Variants in SETBP1 observed in about 807,000 individuals in gnomAD.
The protein encoded by SETBP1 is SET-binding protein.
In SETBP1, 9 loss-of-function variants were observed where a neutral mutation model predicts 101.0. The ratio of observed to expected loss-of-function variants is 0.09; its 90% CI spans 0.05 to 0.16. The LOEUF is 0.16. Among genes scored for constraint, SETBP1 ranks in the 10% least tolerant of loss-of-function variants. The pLI is 1.00. For missense variants in SETBP1, 1,858 were observed against 2,033.8 expected (o/e 0.91, Z 1.66); for synonymous variants, 818 against 788.5 (o/e 1.04, Z -0.63).
At chr18:44,852,986 CCCCAAAGCCAAG>C (rs2072904340) in intron 2 of SETBP1, among the ~76,000 whole-genome samples, 1 of 152,214 alleles carries the variant, frequency 6.6e-6, no homozygotes, top group Admixed American at 6.5e-5. Context: ...TGGAATTCAA[CCCCAAAGCCAAG>C]AGTCCTCTGG....
In SETBP1 at chr18:44,773,838, A is replaced by ATGTGTGTGTGTGTGTGTGTG. The variant is rs61649185; in HGVS notation, c.486+72020_486+72039dup. 9.8e-3 allele frequency among the ~76,000 whole-genome samples: 1,319 copies of ATGTGTGTGTGTGTGTGTGTG among 134,252 alleles called. 22 individuals are homozygous for ATGTGTGTGTGTGTGTGTGTG. The highest frequency in any genetic ancestry group is 0.033 in the South Asian group (132 of 3,988). The allele number at this position is 134,252 out of a possible 152,430, so 88.1% of individuals were successfully genotyped here. On this transcript the variant is annotated intron_variant, in intron 2 of 5. Transcript: ENST00000649279. Reference sequence around the variant, plus strand: ...TCTCTCTCTCTGTCTCTCTCTGTTTATGTGTGTGTGTGTGTGTGTGTGTGT... The same window carrying ATGTGTGTGTGTGTGTGTGTG: ...TCTCTCTCTCTGTCTCTCTCTGTTTATGTGTGTGTGTGTGTGTGTGTGTGTGTGTGTGTGTGTGTGTGTGT...
At chr18:44,773,645 G>A (rs2070923745) in intron 2 of SETBP1, among the ~76,000 whole-genome samples, 1 of 152,126 alleles carries the variant, frequency 6.6e-6, no homozygotes, top group Non-Finnish European at 1.5e-5. Context: ...CCCAACTGAT[G>A]GAAAATAACA....
chr18:44,997,439 T>C (rs563207398), intron 4 of SETBP1, among the ~76,000 whole-genome samples: 17 of 152,342 alleles, frequency 1.1e-4, no homozygotes, highest in Middle Eastern at 6.8e-3. Context: ...TGAGTATTCC[T>C]GTGTAACTTT....
rs1186142546 is a variant in SETBP1, at chr18:44,973,526, C to CTG, written c.4000+20189_4000+20190dup. Among the ~76,000 whole-genome samples the CTG allele has an allele frequency of 2.0e-5, 3 of 152,110 alleles. No individual in the cohort carries two copies. The East Asian group carries it at 5.8e-4, about 29-fold the overall frequency. ...ATGCTCTTAGAAACAGAGAAGGGCACTGTGATGTCTTTGATGCTGAGACAG... is the reference window on the plus strand; with the variant it reads ...ATGCTCTTAGAAACAGAGAAGGGCACTGTGTGATGTCTTTGATGCTGAGACAG... On this transcript the variant is annotated intron_variant, in intron 4 of 5. Transcript: ENST00000649279.
chr18:44,949,938 G>A lies in SETBP1; in HGVS notation c.598G>A (p.Asp200Asn), dbSNP rs1203744904. Residue 200 changes from aspartate (D) to asparagine (N), a missense_variant, in exon 4 of 6, where the codon GAC becomes AAC. This residue lies in a region of SETBP1 where 581 missense variants were observed against 535.1 expected (regional missense o/e 1.09). Coordinates refer to ENST00000649279, the MANE Select transcript of SETBP1 (RefSeq NM_015559.3). ...TLHYDTGLPQ[D>N]FTGDTLKPKH... Reference sequence around the variant, plus strand: ...CCATTATGACACGGGCCTCCCACAGGACTTCACCGGTGACACCTTAAAACC... The same window carrying A: ...CCATTATGACACGGGCCTCCCACAGAACTTCACCGGTGACACCTTAAAACC... The A allele has an allele frequency of 1.2e-6, 2 of 1,614,022 alleles. No individual in the cohort carries two copies. Among genetic ancestry groups the A allele is most frequent in the East Asian group, 4.5e-5 (2 of 44,866 alleles).
chr18:44,766,375 A>G (rs1191477357), intron 2 of SETBP1, among the ~76,000 whole-genome samples: 3 of 152,228 alleles, frequency 2.0e-5, no homozygotes, highest in African/African-American at 7.2e-5. Context: ...CTTAAAAAGG[A>G]AGGAAATTTG....
intron 4 of SETBP1, among the ~76,000 whole-genome samples, chr18:44,979,205 T>C (rs1167460022): frequency 6.6e-6 from 1 of 152,226 alleles, no homozygotes; most frequent in Non-Finnish European, 1.5e-5. Flanking sequence ...CCACCGAATC[T>C]GCATTTGCTT....
chr18:44,816,370 C>T (rs1381144747), intron 2 of SETBP1, among the ~76,000 whole-genome samples: 1 of 151,976 alleles, frequency 6.6e-6, no homozygotes, highest in African/African-American at 2.4e-5. Flanking sequence ...GGCAGTTGTG[C>T]AGCATATACT....
chr18:44,937,525 G>GT (rs1281391679), intron 3 of SETBP1, among the ~76,000 whole-genome samples: 1 of 151,830 alleles, frequency 6.6e-6, no homozygotes, highest in Non-Finnish European at 1.5e-5. Flanking sequence ...GGTGTAAGAG[G>GT]TCAGGTGACG....
chr18:44,941,787 T>G (rs1229446835), intron 3 of SETBP1, among the ~76,000 whole-genome samples: 1 of 152,114 alleles, frequency 6.6e-6, no homozygotes, highest in East Asian at 1.9e-4. Context: ...TGAGATATTG[T>G]ATTTTTCAGA....
intron 5 of SETBP1, among the ~76,000 whole-genome samples, chr18:45,039,128 G>T (rs1375327568): frequency 6.6e-6 from 1 of 152,144 alleles, no homozygotes; most frequent in East Asian, 1.9e-4. Context: ...GCGTTTCACT[G>T]CCTCCCTTGC....
intron 2 of SETBP1, among the ~76,000 whole-genome samples, chr18:44,786,861 T>C (rs559565649): frequency 6.6e-6 from 1 of 152,308 alleles, no homozygotes; most frequent in South Asian, 2.1e-4. Context: ...ATTGAGTTTG[T>C]CGGGGGAAAT....
At chr18:45,023,779 T>C (rs2073114636) in intron 4 of SETBP1, among the ~76,000 whole-genome samples, 1 of 152,246 alleles carries the variant, frequency 6.6e-6, no homozygotes, top group Non-Finnish European at 1.5e-5. Context: ...TAGCCTGTTC[T>C]GAGCATATTC....
intron 3 of SETBP1, among the ~76,000 whole-genome samples, chr18:44,912,796 G>T (rs2070343922): frequency 6.6e-6 from 1 of 152,154 alleles, no homozygotes; most frequent in Non-Finnish European, 1.5e-5. Flanking sequence ...TACACAAGCA[G>T]TCAGTTAGCT....
intron 2 of SETBP1, among the ~76,000 whole-genome samples, chr18:44,713,611 C>A (rs546744972): frequency 6.6e-6 from 1 of 152,122 alleles, no homozygotes; most frequent in African/African-American, 2.4e-5. Flanking sequence ...GTATTGTAAC[C>A]TCCTCTGTTC....
chr18:44,746,244 A>T (rs955119634), intron 2 of SETBP1, among the ~76,000 whole-genome samples: 2 of 152,222 alleles, frequency 1.3e-5, no homozygotes, highest in Non-Finnish European at 2.9e-5. Flanking sequence ...CACTGGATGT[A>T]AGGAGTTGGA....
At chr18:44,940,523 T>C (rs2071063733) in intron 3 of SETBP1, among the ~76,000 whole-genome samples, 1 of 152,204 alleles carries the variant, frequency 6.6e-6, no homozygotes, top group Non-Finnish European at 1.5e-5. Context: ...ATTTTAGATA[T>C]GCAACTTTTT....
At chr18:44,809,689 C>T (rs1265454212) in intron 2 of SETBP1, among the ~76,000 whole-genome samples, 1 of 152,110 alleles carries the variant, frequency 6.6e-6, no homozygotes, top group Non-Finnish European at 1.5e-5. Flanking sequence ...AGCTCATTAC[C>T]TTAGGGTTGG....
At chr18:44,692,940 T>G (rs1052370194) in intron 1 of SETBP1, among the ~76,000 whole-genome samples, 8 of 151,862 alleles carry the variant, frequency 5.3e-5, no homozygotes, top group African/African-American at 1.9e-4. Flanking sequence ...TTGGAAGAGG[T>G]AAAATGTGAT....
Sources: gnomAD v4.1 joint callset for allele counts (sites outside exome capture counted in the v4.1 genomes callset) on GRCh38, gnomAD v4.1.1 for gene constraint, gnomAD v4.1.1 regional missense constraint, MANE v1.5 for transcripts, NCBI Gene and HGNC (gene_info 2026-07-23, HGNC 2026-07-21) for gene names.